Variants in LRRTM4 observed in about 807,000 individuals in gnomAD.
The protein encoded by LRRTM4 is leucine-rich repeat transmembrane neuronal protein 4.
A neutral mutation model predicts 47.6 loss-of-function variants in LRRTM4; 25 were observed. The ratio of observed to expected loss-of-function variants is 0.53; its 90% CI spans 0.38 to 0.73. The LOEUF (loss-of-function observed/expected upper bound fraction) is 0.73. LRRTM4 is among the 30% of genes least tolerant of loss of function. The pLI is 0.00. For synonymous variants in LRRTM4, 311 were observed against 269.5 expected, an observed-to-expected ratio of 1.15 and a Z score of -1.51; for missense variants, 638 against 713.4, an observed-to-expected ratio of 0.89 and a Z score of 1.20.
chr2:76,945,489 G>C (rs937791280), intron 3 of LRRTM4, among the ~76,000 whole-genome samples: 1 of 152,002 alleles, frequency 6.6e-6, no homozygotes. Context: ...GTTGTTGGCA[G>C]AAAGAGGATT....
At chr2:77,032,031 T>A (rs1346958577) in intron 3 of LRRTM4, among the ~76,000 whole-genome samples, 2 of 152,140 alleles carry the variant, frequency 1.3e-5, no homozygotes, top group African/African-American at 4.8e-5. Flanking sequence ...TGATCTTTGT[T>A]CACCTCCTCT....
At chr2:76,812,951 TTCTCTAAAAAAAAGACTC>T (rs1005366855) in intron 3 of LRRTM4, among the ~76,000 whole-genome samples, 2 of 151,846 alleles carry the variant, frequency 1.3e-5, no homozygotes, top group African/African-American at 4.8e-5. Flanking sequence ...TTTGCCCATT[TTCTCTAAAAAAAAGACTC>T]CTCAACCAAT....
chr2:77,018,925 C>A (rs754307796), intron 3 of LRRTM4, among the ~76,000 whole-genome samples: 11 of 151,910 alleles, frequency 7.2e-5, no homozygotes, highest in East Asian at 3.9e-4. Flanking sequence ...TGTGGTAATG[C>A]ATAATTTCAT....
At chr2:76,906,497 TA>T (rs1673845198) in intron 3 of LRRTM4, among the ~76,000 whole-genome samples, 1 of 151,886 alleles carries the variant, frequency 6.6e-6, no homozygotes, top group Non-Finnish European at 1.5e-5. Flanking sequence ...CACATAAGAA[TA>T]TTAACTTTAA....
intron 3 of LRRTM4, among the ~76,000 whole-genome samples, chr2:77,285,361 T>TATATATATATATATATATATATATATAG (rs1676625793): frequency 6.9e-6 from 1 of 144,102 alleles, no homozygotes; most frequent in Non-Finnish European, 1.5e-5. Context: ...TATATATATA[T>TATATATATATATATATATATATATATAG]ATGGCCAATA....
At chr2:77,366,317 C>T (rs1672457186) in intron 3 of LRRTM4, among the ~76,000 whole-genome samples, 1 of 151,790 alleles carries the variant, frequency 6.6e-6, no homozygotes, top group South Asian at 2.1e-4. Context: ...ACTTCCAAGA[C>T]ACGTTTTTGT....
chr2:77,299,691 A>T (rs1389376535), intron 3 of LRRTM4, among the ~76,000 whole-genome samples: 1 of 152,116 alleles, frequency 6.6e-6, no homozygotes, highest in Admixed American at 6.6e-5. Flanking sequence ...AGACACACTG[A>T]CACTCTAAGA....
intron 3 of LRRTM4, among the ~76,000 whole-genome samples, chr2:77,123,699 G>T (rs1216289171): frequency 2.0e-5 from 3 of 151,784 alleles, no homozygotes; most frequent in Non-Finnish European, 1.5e-5. Context: ...TTTAAATTTT[G>T]TTTTCACATC....
intron 3 of LRRTM4, among the ~76,000 whole-genome samples, chr2:77,466,405 G>A (rs562779326): frequency 2.0e-5 from 3 of 152,248 alleles, no homozygotes; most frequent in South Asian, 2.1e-4. Flanking sequence ...AGTTTCAAAC[G>A]TGAGGTTAAT....
chr2:77,315,732 C>G (rs1270975357), intron 3 of LRRTM4, among the ~76,000 whole-genome samples: 1 of 151,956 alleles, frequency 6.6e-6, no homozygotes, highest in Non-Finnish European at 1.5e-5. Flanking sequence ...ATTTTTAAAG[C>G]CTCTTGCCAG....
chr2:76,923,228 T>C (rs1227706160), intron 3 of LRRTM4, among the ~76,000 whole-genome samples: 1 of 152,106 alleles, frequency 6.6e-6, no homozygotes, highest in Non-Finnish European at 1.5e-5. Context: ...TTTTATTGTT[T>C]TACCTTTTAT....
intron 3 of LRRTM4, among the ~76,000 whole-genome samples, chr2:77,242,756 A>AC (rs2103993641): frequency 6.6e-6 from 1 of 152,264 alleles, no homozygotes; most frequent in East Asian, 1.9e-4. Context: ...AGAAATTAGA[A>AC]CCCCTTTGCT....
Position 77,090,044 on chromosome 2 carries a change from C to G in LRRTM4, c.1552-341128G>C, listed in dbSNP as rs368762509. On this transcript the variant is annotated intron_variant, in intron 3 of 3. Transcript: ENST00000409884. ...TTCTACAGACCCACCTGACCTCTCC[C>G]TTGCTCCCCAGGCTGCTCCTCGCCA... 1.4e-4 allele frequency among the ~76,000 whole-genome samples: 22 copies of G among 152,206 alleles called. 1 individual carries two copies. Among genetic ancestry groups the G allele is most frequent in the Admixed American group, 1.0e-3 (16 of 15,282 alleles).
At chr2:76,813,765 A>G (rs1670815912) in intron 3 of LRRTM4, among the ~76,000 whole-genome samples, 1 of 152,124 alleles carries the variant, frequency 6.6e-6, no homozygotes, top group Non-Finnish European at 1.5e-5. Flanking sequence ...AACCTTTTTA[A>G]GAATAGTTTT....
rs1572985436 is a variant in LRRTM4, at chr2:77,124,627, G to C, written c.1552-375711C>G. On this transcript the variant is annotated intron_variant, in intron 3 of 3. Transcript: ENST00000409884. Reference sequence around the variant, plus strand: ...CTTCTGTAACTTCTTGTCAACCTTTGATTAAATTGGCAATATTGGAGTCAT... The same window carrying C: ...CTTCTGTAACTTCTTGTCAACCTTTCATTAAATTGGCAATATTGGAGTCAT... 2.6e-5 allele frequency among the ~76,000 whole-genome samples: 4 copies of C among 152,200 alleles called. No homozygotes were observed. In the South Asian group the frequency reaches 8.3e-4, roughly 32 times the overall value.
intron 3 of LRRTM4, among the ~76,000 whole-genome samples, chr2:77,258,651 G>A (rs764959204): frequency 4.0e-5 from 6 of 151,604 alleles, no homozygotes; most frequent in Non-Finnish European, 8.8e-5. Flanking sequence ...TAGTAAACTC[G>A]TAAACCCTTT....
intron 3 of LRRTM4, among the ~76,000 whole-genome samples, chr2:77,029,497 A>C (rs1678577880): frequency 6.6e-6 from 1 of 152,146 alleles, no homozygotes; most frequent in Non-Finnish European, 1.5e-5. Context: ...AGAAAGATGA[A>C]GGCCAGAAAA....
intron 3 of LRRTM4, among the ~76,000 whole-genome samples, chr2:77,088,196 C>A (rs1053701425): frequency 6.6e-6 from 1 of 152,166 alleles, no homozygotes; most frequent in Admixed American, 6.5e-5. Flanking sequence ...ACGTGGTTAA[C>A]CCCATATACT....
intron 3 of LRRTM4, among the ~76,000 whole-genome samples, chr2:76,912,758 G>A (rs958548029): frequency 6.6e-6 from 1 of 152,110 alleles, no homozygotes; most frequent in African/African-American, 2.4e-5. Context: ...CTGTCCTCGG[G>A]ATAGTGAGTT....
Sources: allele counts gnomAD v4.1 joint callset (sites outside exome capture counted in the v4.1 genomes callset), GRCh38; gene constraint gnomAD v4.1.1; transcripts MANE v1.5; gene names NCBI Gene and HGNC (gene_info 2026-07-23, HGNC 2026-07-21).